Variants in TG observed in about 807,000 individuals in gnomAD.
TG encodes the protein thyroid hormones.
A neutral mutation model predicts 324.7 loss-of-function variants in TG; 270 were observed. That is an observed-to-expected ratio of 0.83 (90% CI 0.75 to 0.92). The LOEUF is 0.92. TG is among the 40% of genes least tolerant of loss of function. The probability of loss-of-function intolerance (pLI) is 0.00; values close to 1 mark genes in which losing one functional copy is unlikely to be tolerated. For missense variants in TG, 3,591 were observed against 3,456.4 expected (o/e 1.04, Z -0.98); for synonymous variants, 1,401 against 1,327.0 (o/e 1.06, Z -1.21).
chr8:132,964,841 C>T, intron 29 of TG: 1 of 698,336 alleles, frequency 1.4e-6, no homozygotes, highest in Non-Finnish European at 2.6e-6. Context: ...GTGTCGGTTG[C>T]AGTGAGAATG....
intron 41 of TG, among the ~76,000 whole-genome samples, chr8:133,090,905 A>G (rs1253305933): frequency 6.6e-6 from 1 of 151,974 alleles, no homozygotes; most frequent in Non-Finnish European, 1.5e-5. Flanking sequence ...ACTGTCTGCC[A>G]CAAGCACGAG....
intron 41 of TG, among the ~76,000 whole-genome samples, chr8:133,065,885 T>C (rs1257608653): frequency 1.3e-5 from 2 of 152,148 alleles, no homozygotes; most frequent in Admixed American, 1.3e-4. Context: ...CTGAGGGATC[T>C]CTTGGATGTC....
chr8:133,002,864 C>CA (rs1478789858), intron 35 of TG: 1 of 274,306 alleles, frequency 3.6e-6, no homozygotes, highest in African/African-American at 2.3e-5. Flanking sequence ...ACAATGCCAG[C>CA]AGTACACTGG....
chr8:133,087,928 T>G (rs1194996000), intron 41 of TG: 1 of 152,226 alleles, frequency 6.6e-6, no homozygotes, highest in Non-Finnish European at 1.5e-5. Context: ...ACTGGCAGGA[T>G]TTTAAACTTC....
chr8:133,102,838 C>T (rs1038163784), intron 43 of TG: 23 of 395,326 alleles, frequency 5.8e-5, no homozygotes, highest in Non-Finnish European at 9.1e-5. Context: ...AGAGCGCCTC[C>T]GCTGTGCCCC....
chr8:132,941,600 A>G, intron 26 of TG, 58 bp downstream of exon 26: 1 of 1,602,630 alleles, frequency 6.2e-7, no homozygotes. Flanking sequence ...ACAGGGATGC[A>G]GAAGCCAGGA....
At chr8:132,914,356 C>T (rs1404823690) in intron 20 of TG, among the ~76,000 whole-genome samples, 1 of 152,154 alleles carries the variant, frequency 6.6e-6, no homozygotes, top group Non-Finnish European at 1.5e-5. Context: ...AGATGTTTCT[C>T]AGTTATTTTT....
chr8:132,993,345 A>C (rs1358961380), intron 35 of TG, among the ~76,000 whole-genome samples: 3 of 151,888 alleles, frequency 2.0e-5, no homozygotes, highest in African/African-American at 7.3e-5. Flanking sequence ...CAAGTTTTGA[A>C]CCCTCCCTTT....
chr8:132,970,567 T>A (rs2130521382), intron 32 of TG, among the ~76,000 whole-genome samples: 1 of 152,266 alleles, frequency 6.6e-6, no homozygotes, highest in Non-Finnish European at 1.5e-5. Context: ...TATGACTGAA[T>A]CATGTTGCTG....
intron 44 of TG, among the ~76,000 whole-genome samples, chr8:133,114,295 A>G (rs184578653): frequency 6.6e-6 from 1 of 151,836 alleles, no homozygotes; most frequent in Non-Finnish European, 1.5e-5. Flanking sequence ...AGCTTCTCTC[A>G]CTTGGGGAAG....
chr8:133,054,540 G>A (rs560559656), intron 41 of TG, among the ~76,000 whole-genome samples: 4 of 152,188 alleles, frequency 2.6e-5, no homozygotes, highest in African/African-American at 9.7e-5. Flanking sequence ...GCATTTTAGG[G>A]CCTGCCTTAG....
At chr8:133,009,323 G>A (rs941879341) in intron 35 of TG, among the ~76,000 whole-genome samples, 2 of 152,060 alleles carry the variant, frequency 1.3e-5, no homozygotes, top group Non-Finnish European at 2.9e-5. Flanking sequence ...AGCAACATGT[G>A]GAGGATGCTT....
At position 133,116,589 on chromosome 8, in the gene TG, C is replaced by A. The variant is rs199731830; in HGVS notation, c.7755-20C>A. The A allele has an allele frequency of 1.2e-6, 2 of 1,605,386 alleles. No homozygotes were observed. The highest frequency in any genetic ancestry group is 1.7e-6 in the Non-Finnish European group (2 of 1,172,004). ...AGAGCCATGTTTAACCAGACTCCCC[C>A]CATGTTCTCTTTTCACCAGGGACTA... On this transcript the variant is annotated intron_variant, in intron 44 of 47. Coordinates refer to ENST00000220616, the MANE Select transcript of TG (RefSeq NM_003235.5).
chr8:132,917,889 A>ATTTTTTTTT (rs71299038), intron 20 of TG, among the ~76,000 whole-genome samples: 6,080 of 138,634 alleles, frequency 0.044, 186 homozygotes, highest in South Asian at 0.094. Flanking sequence ...GGTTTTTGCA[A>ATTTTTTTTT]TTTTTTTTTT....
intron 43 of TG, among the ~76,000 whole-genome samples, chr8:133,106,711 C>T (rs1849835488): frequency 1.3e-5 from 2 of 152,204 alleles, no homozygotes; most frequent in East Asian, 1.9e-4. Context: ...GTCCCCTTTC[C>T]GGCTTCCTGT....
At chr8:133,031,563 G>A (rs1197365977) in intron 41 of TG, among the ~76,000 whole-genome samples, 1 of 152,200 alleles carries the variant, frequency 6.6e-6, no homozygotes, top group Non-Finnish European at 1.5e-5. Flanking sequence ...ATACTGTAAA[G>A]TTACTCAAGT....
In TG at chr8:132,893,363, C is replaced by T. The variant is rs60207939; in HGVS notation, c.2762-327C>T. ...GTGTGTATAGGTGTGTGTGGTGTGT[C>T]TGTGGTGTATATGTGTGTAGTGTGG... On this transcript the variant is annotated intron_variant, in intron 10 of 47. Transcript: ENST00000220616. 1 allele frequency among the ~76,000 whole-genome samples: 144,448 copies of T among 144,644 alleles called. 72,126 individuals carry two copies. Among genetic ancestry groups the T allele is most frequent in the Middle Eastern group, 1 (272 of 272 alleles). 94.9% of individuals were successfully genotyped at this position (144,644 alleles called of 152,430 possible).
At chr8:133,109,766 C>A (rs934538744) in intron 43 of TG, among the ~76,000 whole-genome samples, 3 of 152,322 alleles carry the variant, frequency 2.0e-5, no homozygotes, top group Admixed American at 2.0e-4. Context: ...CTTGTGCTGA[C>A]CTCGGCTACT....
chr8:132,991,576 G>GC (rs1249746138), intron 35 of TG, among the ~76,000 whole-genome samples: 2 of 152,226 alleles, frequency 1.3e-5, no homozygotes, highest in African/African-American at 4.8e-5. Flanking sequence ...AGCTCATGGT[G>GC]CATACCCTGT....
Sources: allele counts gnomAD v4.1 joint callset (sites outside exome capture counted in the v4.1 genomes callset), GRCh38; gene constraint gnomAD v4.1.1; transcripts MANE v1.5; gene names NCBI Gene and HGNC (gene_info 2026-07-23, HGNC 2026-07-21).